Variants in MTDH observed in about 807,000 individuals in gnomAD.
MTDH encodes the protein protein LYRIC.
In MTDH, 34 loss-of-function variants were observed where a neutral mutation model predicts 72.7. The observed-to-expected ratio is 0.47, with a 90% CI of 0.36 to 0.62. The LOEUF is 0.62. Among genes scored for constraint, MTDH ranks in the 20% least tolerant of loss-of-function variants. The probability of loss-of-function intolerance (pLI) is 0.00; values close to 1 mark genes in which losing one functional copy is unlikely to be tolerated. For synonymous variants in MTDH, 266 were observed against 268.9 expected, an observed-to-expected ratio of 0.99 and a Z score of 0.10; for missense variants, 677 against 699.4, an observed-to-expected ratio of 0.97 and a Z score of 0.36.
At chr8:97,719,787 A>G (rs1184949610) in intron 10 of MTDH, among the ~76,000 whole-genome samples, 1 of 152,286 alleles carries the variant, frequency 6.6e-6, no homozygotes, top group East Asian at 1.9e-4. Context: ...AGAAAATATG[A>G]GTGGTTTCAT....
At chr8:97,703,339 T>C (rs1343303935) in intron 7 of MTDH, among the ~76,000 whole-genome samples, 1 of 152,136 alleles carries the variant, frequency 6.6e-6, no homozygotes, top group Non-Finnish European at 1.5e-5. Flanking sequence ...GCCTGGGCAA[T>C]AGAGCGAGAC....
At chr8:97,707,461 T>TG in intron 8 of MTDH, among the ~76,000 whole-genome samples, 1 of 141,270 alleles carries the variant, frequency 7.1e-6, no homozygotes, top group East Asian at 2.0e-4. Context: ...TTTTTTTTTT[T>TG]TTTTTTTTTT....
chr8:97,661,932 AAAG>A (rs1284962364), intron 2 of MTDH, among the ~76,000 whole-genome samples: 115 of 151,798 alleles, frequency 7.6e-4, no homozygotes, highest in African/African-American at 2.6e-3. Context: ...AAAAAAAAAA[AAAG>A]AAAAAAGATA....
At chr8:97,702,803 T>C (rs1814188391) in intron 7 of MTDH, among the ~76,000 whole-genome samples, 1 of 151,940 alleles carries the variant, frequency 6.6e-6, no homozygotes, top group Non-Finnish European at 1.5e-5. Context: ...AAGAATTAAG[T>C]TCTGACAAGA....
chr8:97,684,158 A>G (rs1813264579), intron 2 of MTDH, among the ~76,000 whole-genome samples: 1 of 150,768 alleles, frequency 6.6e-6, no homozygotes, highest in South Asian at 2.1e-4. Flanking sequence ...AAAAAAAACG[A>G]CTAGTCCAAA....
rs187754901 is a variant in MTDH at position 97,656,490 on chromosome 8, A to G, written c.382-4582A>G. On this transcript the variant is annotated intron_variant, in intron 1 of 11. Transcript: ENST00000336273. ...GCTAATTTTTGTATTTTTAGTAGAG[A>G]CGGGGTTTCACCATGTTGGCCAGGA... Among the ~76,000 whole-genome samples, 817 of 150,872 alleles carry G rather than the reference A, an allele frequency of 5.4e-3. 5 individuals carry two copies. Among genetic ancestry groups the G allele is most frequent in the African/African-American group, 0.018 (723 of 41,252 alleles).
intron 7 of MTDH, among the ~76,000 whole-genome samples, chr8:97,700,599 A>G (rs777907869): frequency 6.6e-6 from 1 of 152,204 alleles, no homozygotes; most frequent in Non-Finnish European, 1.5e-5. Context: ...GGTAATAATA[A>G]TGACAATAAA....
intron 2 of MTDH, among the ~76,000 whole-genome samples, chr8:97,663,389 G>A (rs901304999): frequency 6.6e-6 from 1 of 152,094 alleles, no homozygotes; most frequent in African/African-American, 2.4e-5. Flanking sequence ...ATGTTTGTAT[G>A]TGTAAATATA....
At chr8:97,714,619 G>A (rs372808044) in intron 9 of MTDH, among the ~76,000 whole-genome samples, 3,750 of 151,000 alleles carry the variant, frequency 0.025, 104 homozygotes, top group African/African-American at 0.06. Context: ...AAAAAAAAAA[G>A]ATATTTTAAT....
chr8:97,656,149 C>T (rs1337897211), intron 1 of MTDH, among the ~76,000 whole-genome samples: 3 of 151,894 alleles, frequency 2.0e-5, no homozygotes, highest in South Asian at 2.1e-4. Context: ...ATACAGTTTA[C>T]GTAACTAAGT....
intron 4 of MTDH, among the ~76,000 whole-genome samples, chr8:97,688,539 C>G (rs1376379382): frequency 6.6e-6 from 1 of 152,064 alleles, no homozygotes; most frequent in Non-Finnish European, 1.5e-5. Context: ...GATCATTATG[C>G]TTTTTAGTGT....
At chr8:97,712,155 A>G (rs1358118381) in intron 8 of MTDH, among the ~76,000 whole-genome samples, 1 of 152,194 alleles carries the variant, frequency 6.6e-6, no homozygotes, top group Non-Finnish European at 1.5e-5. Flanking sequence ...CTCCCATCTC[A>G]GCCTCCTGAG....
chr8:97,724,553 A>G, intron 11 of MTDH, 47 bp from the exon 12 acceptor site: 1 of 1,311,158 alleles, frequency 7.6e-7, no homozygotes, highest in Non-Finnish European at 1.1e-6. Context: ...AACAGTATTT[A>G]CCATCCTCCT....
chr8:97,707,700 CCT>C (rs988935658), intron 8 of MTDH, among the ~76,000 whole-genome samples: 4 of 151,672 alleles, frequency 2.6e-5, no homozygotes, highest in East Asian at 3.9e-4. Context: ...TTTGCCAACC[CCT>C]GTTTTAGCAT....
At chr8:97,684,379 T>G (rs1162218254) in intron 2 of MTDH, among the ~76,000 whole-genome samples, 1 of 152,194 alleles carries the variant, frequency 6.6e-6, no homozygotes, top group Non-Finnish European at 1.5e-5. Flanking sequence ...GTTTGCATTA[T>G]ATTTCTGTTG....
chr8:97,698,659 A>G (rs1346452639), intron 6 of MTDH, among the ~76,000 whole-genome samples: 1 of 152,190 alleles, frequency 6.6e-6, no homozygotes, highest in Non-Finnish European at 1.5e-5. Context: ...CTCTCTAGAT[A>G]ACCACCTATT....
chr8:97,655,300 A>T lies in MTDH; in HGVS notation c.382-5772A>T, dbSNP rs553804119. Reference sequence around the variant, plus strand: ...GGTTCTAAGCTTCTTGAGTGCAGGCATTGAGCCTTATCTTTGTTTCAAGGT... The same window carrying T: ...GGTTCTAAGCTTCTTGAGTGCAGGCTTTGAGCCTTATCTTTGTTTCAAGGT... On this transcript the variant is annotated intron_variant, in intron 1 of 11. Coordinates refer to ENST00000336273, the MANE Select transcript of MTDH (RefSeq NM_178812.4). Among the ~76,000 whole-genome samples the T allele has an allele frequency of 1.8e-3, 281 of 152,286 alleles. 2 individuals carry two copies. Among genetic ancestry groups the T allele is most frequent in the South Asian group, 3.9e-3 (19 of 4,824 alleles).
chr8:97,671,000 C>G (rs1189521906), intron 2 of MTDH, among the ~76,000 whole-genome samples: 1 of 144,806 alleles, frequency 6.9e-6, no homozygotes, highest in Admixed American at 7.0e-5. Context: ...GCTCTGTCGC[C>G]CAGGCCGGAC....
At chr8:97,684,933 G>C (rs1468449200) in intron 2 of MTDH, among the ~76,000 whole-genome samples, 1 of 152,190 alleles carries the variant, frequency 6.6e-6, no homozygotes, top group African/African-American at 2.4e-5. Flanking sequence ...AGATGTGGTG[G>C]TGGGCACCTG....
Sources: gnomAD v4.1 joint callset for allele counts (sites outside exome capture counted in the v4.1 genomes callset) on GRCh38, gnomAD v4.1.1 for gene constraint, MANE v1.5 for transcripts, NCBI Gene and HGNC (gene_info 2026-07-23, HGNC 2026-07-21) for gene names.